HSD17B12: variants seen among roughly 807,000 people sequenced by gnomAD.
HSD17B12 encodes the protein very-long-chain 3-oxoacyl-CoA reductase.
In HSD17B12, 32 loss-of-function variants were observed where a neutral mutation model predicts 39.3. That is an observed-to-expected ratio of 0.81 (90% CI 0.61 to 1.09). The LOEUF is 1.09. Among genes scored for constraint, HSD17B12 ranks in the 50% least tolerant of loss-of-function variants. The pLI is 0.00. For missense variants in HSD17B12, 342 were observed against 382.9 expected, an observed-to-expected ratio of 0.89 and a Z score of 0.89; for synonymous variants, 150 against 146.7, an observed-to-expected ratio of 1.02 and a Z score of -0.16.
At chr11:43,820,828 G>T (rs551548487) in intron 6 of HSD17B12, among the ~76,000 whole-genome samples, 1 of 152,326 alleles carries the variant, frequency 6.6e-6, no homozygotes, top group African/African-American at 2.4e-5. Context: ...TTGCTGAGAA[G>T]GACCCCAGCA....
chr11:43,778,604 A>G (rs1006270372), intron 3 of HSD17B12, among the ~76,000 whole-genome samples: 7 of 150,826 alleles, frequency 4.6e-5, no homozygotes, highest in Non-Finnish European at 5.9e-5. Flanking sequence ...CTGGCAAACC[A>G]AATCCAGCAG....
chr11:43,574,009 A>G, the HSD17B12 span, among the ~76,000 whole-genome samples: 1 of 152,106 alleles, frequency 6.6e-6, no homozygotes, highest in African/African-American at 2.4e-5. Context: ...ACACCTCCCA[A>G]CTGCAGCAAC....
chr11:43,691,634 T>A (rs1353128472), intron 1 of HSD17B12, among the ~76,000 whole-genome samples: 1 of 152,218 alleles, frequency 6.6e-6, no homozygotes, highest in Non-Finnish European at 1.5e-5. Context: ...TCCAATCAAG[T>A]TACCCCTTCC....
intron 3 of HSD17B12, among the ~76,000 whole-genome samples, chr11:43,768,365 T>C (rs1950616083): frequency 6.6e-6 from 1 of 152,134 alleles, no homozygotes; most frequent in African/African-American, 2.4e-5. Context: ...CTTGTATTCA[T>C]TTATTTAGAG....
At chr11:43,812,212 T>C (rs1404147175) in intron 4 of HSD17B12, among the ~76,000 whole-genome samples, 1 of 152,232 alleles carries the variant, frequency 6.6e-6, no homozygotes, top group Admixed American at 6.5e-5. Context: ...GATATACTGA[T>C]TTATTTTCCT....
At position 43,739,084 on chromosome 11, in the gene HSD17B12, C is replaced by G. The variant is rs142205308; in HGVS notation, c.161-11827C>G. ...AGATAAAACTGGTGTCAGGTTACAA[C>G]GAGCAGTTTCAGCAGTCAAGCTTGC... On this transcript the variant is annotated intron_variant, in intron 1 of 10. Transcript: ENST00000278353. Among the ~76,000 whole-genome samples the G allele has an allele frequency of 3.4e-3, 512 of 152,246 alleles. 6 individuals carry two copies. The highest frequency in any genetic ancestry group is 0.022 in the East Asian group (114 of 5,180).
At chr11:43,618,916 T>G in the HSD17B12 span, among the ~76,000 whole-genome samples, 1 of 151,712 alleles carries the variant, frequency 6.6e-6, no homozygotes, top group African/African-American at 2.4e-5. Context: ...TGTAACATAT[T>G]CCACATGAAC....
chr11:43,670,466 T>C, the HSD17B12 span: 6 of 152,226 alleles, frequency 3.9e-5, no homozygotes, highest in African/African-American at 1.4e-4. Context: ...CTTTGGAGAA[T>C]GGACTAGGGT....
intron 3 of HSD17B12, among the ~76,000 whole-genome samples, chr11:43,769,851 T>C (rs576945390): frequency 2.0e-5 from 3 of 152,362 alleles, no homozygotes; most frequent in Non-Finnish European, 2.9e-5. Flanking sequence ...AGTTTGGCTA[T>C]TTTGCTTTGA....
At chr11:43,570,330 T>C in the HSD17B12 span, 6 of 152,330 alleles carry the variant, frequency 3.9e-5, no homozygotes, top group South Asian at 1.0e-3. Flanking sequence ...CAGAAGTGGA[T>C]TGTCCCTGAA....
At chr11:43,595,676 A>C in the HSD17B12 span, among the ~76,000 whole-genome samples, 2 of 152,360 alleles carry the variant, frequency 1.3e-5, no homozygotes, top group South Asian at 4.1e-4. Context: ...AAAAAATGGT[A>C]ATCCCCGGTG....
At chr11:43,589,206 C>A in the HSD17B12 span, among the ~76,000 whole-genome samples, 1 of 151,932 alleles carries the variant, frequency 6.6e-6, no homozygotes, top group Non-Finnish European at 1.5e-5. Flanking sequence ...TCATTCTTTC[C>A]TTCTTCTGAC....
chr11:43,573,534 G>T, the HSD17B12 span, among the ~76,000 whole-genome samples: 31 of 152,322 alleles, frequency 2.0e-4, no homozygotes, highest in African/African-American at 7.2e-4. Context: ...TGCCCTTAAA[G>T]TTCTGATGTG....
At chr11:43,576,902 T>C in the HSD17B12 span, among the ~76,000 whole-genome samples, 1 of 152,096 alleles carries the variant, frequency 6.6e-6, no homozygotes, top group African/African-American at 2.4e-5. Flanking sequence ...GGGTCGGCGC[T>C]GTTGAGCTCG....
chr11:43,672,057 AT>A, the HSD17B12 span, among the ~76,000 whole-genome samples: 1 of 151,590 alleles, frequency 6.6e-6, no homozygotes, highest in Admixed American at 6.6e-5. Context: ...TTTATTTTTT[AT>A]TTTTTTTAGA....
At chr11:43,593,573 A>G in the HSD17B12 span, among the ~76,000 whole-genome samples, 12 of 152,204 alleles carry the variant, frequency 7.9e-5, no homozygotes, top group Non-Finnish European at 1.8e-4. Flanking sequence ...AAACAATGCA[A>G]TTCTCAAGCT....
chr11:43,838,524 A>G (rs983611069), intron 8 of HSD17B12, 126 bp downstream of exon 8: 7 of 692,032 alleles, frequency 1.0e-5, no homozygotes, highest in Admixed American at 2.3e-5. Context: ...ACTGAGAAGA[A>G]AAGGAAAATA....
chr11:43,746,264 T>C (rs1271975723), intron 1 of HSD17B12, among the ~76,000 whole-genome samples: 1 of 152,242 alleles, frequency 6.6e-6, no homozygotes, highest in Non-Finnish European at 1.5e-5. Context: ...GCTTATCTTT[T>C]GGACTTCTGT....
At chr11:43,751,337 A>G (rs1351559152) in intron 2 of HSD17B12, among the ~76,000 whole-genome samples, 3 of 152,234 alleles carry the variant, frequency 2.0e-5, no homozygotes, top group African/African-American at 7.2e-5. Context: ...AGTCCATGAC[A>G]TCATTTTCAC....
Sources: allele counts gnomAD v4.1 joint callset (sites outside exome capture counted in the v4.1 genomes callset), GRCh38; gene constraint gnomAD v4.1.1; transcripts MANE v1.5; gene names NCBI Gene and HGNC (gene_info 2026-07-23, HGNC 2026-07-21).